The following SDHB variants were observed in gnomAD, a reference collection of about 807,000 sequenced individuals.
SDHB encodes the protein succinate dehydrogenase [ubiquinone] iron-sulfur subunit, mitochondrial.
A neutral mutation model predicts 39.7 loss-of-function variants in SDHB; 21 were observed. The observed-to-expected ratio is 0.53, with a 90% CI of 0.37 to 0.76. The LOEUF is 0.76. Among genes scored for constraint, SDHB ranks in the 30% least tolerant of loss-of-function variants. The pLI, the probability that SDHB is intolerant of heterozygous loss-of-function variation, is 0.00. For synonymous variants in SDHB, 118 were observed against 117.0 expected (o/e 1.01, Z -0.06); for missense variants, 343 against 350.9 (o/e 0.98, Z 0.18).
chr1:17,050,640 A>T (rs995931272), intron 1 of SDHB, among the ~76,000 whole-genome samples: 1 of 146,844 alleles, frequency 6.8e-6, no homozygotes, highest in African/African-American at 2.5e-5. Flanking sequence ...CAACAACGTG[A>T]GCGTGACTCT....
intron 3 of SDHB, among the ~76,000 whole-genome samples, chr1:17,031,661 ACTTGAAATG>A (rs1430088403): frequency 1.3e-5 from 2 of 152,226 alleles, no homozygotes; most frequent in East Asian, 3.8e-4. Context: ...GTCTTAAAAG[ACTTGAAATG>A]CTTGAAATGT....
At chr1:17,020,189 C>T (rs951347804) in intron 7 of SDHB, among the ~76,000 whole-genome samples, 1 of 152,076 alleles carries the variant, frequency 6.6e-6, no homozygotes, top group Non-Finnish European at 1.5e-5. Context: ...TGTGTATTTC[C>T]GGTCCCCACA....
chr1:17,044,920 A>C, intron 1 of SDHB, 32 bp from the exon 2 acceptor site: 1 of 1,601,586 alleles, frequency 6.2e-7, no homozygotes, highest in Non-Finnish European at 8.5e-7. Flanking sequence ...AAAAAGGAAA[A>C]AAAAATTAGA....
intron 2 of SDHB, among the ~76,000 whole-genome samples, chr1:17,043,405 C>T (rs1242511573): frequency 2.0e-5 from 3 of 152,168 alleles, no homozygotes; most frequent in Non-Finnish European, 4.4e-5. Flanking sequence ...GGTTATATAT[C>T]AATTAATGCT....
intron 3 of SDHB, among the ~76,000 whole-genome samples, chr1:17,030,024 AC>A (rs1276819313): frequency 6.6e-6 from 1 of 151,986 alleles, no homozygotes; most frequent in South Asian, 2.1e-4. Flanking sequence ...CAACATGGTA[AC>A]CCCCTGTCTC....
intron 7 of SDHB, among the ~76,000 whole-genome samples, chr1:17,021,269 G>GT (rs1467112579): frequency 1.4e-4 from 22 of 152,206 alleles, no homozygotes; most frequent in African/African-American, 5.1e-4. Flanking sequence ...TATCATAGGA[G>GT]TAAGTTCCTG....
At chr1:17,044,691 T>A in intron 2 of SDHB, 70 bp downstream of exon 2, 1 of 1,540,266 alleles carries the variant, frequency 6.5e-7, no homozygotes, top group Non-Finnish European at 9.0e-7. Flanking sequence ...CTTCCAAGGA[T>A]GTGAAAAGCA....
chr1:17,051,874 T>C (rs2078150119), intron 1 of SDHB, among the ~76,000 whole-genome samples: 1 of 151,304 alleles, frequency 6.6e-6, no homozygotes, highest in African/African-American at 2.4e-5. Context: ...TGAGTTTCGC[T>C]CTTGTCGCCC....
chr1:17,051,842 ATTT>A (rs376165201), intron 1 of SDHB, among the ~76,000 whole-genome samples: 6 of 142,372 alleles, frequency 4.2e-5, no homozygotes, highest in African/African-American at 1.0e-4. Context: ...CATTTTTTAA[ATTT>A]TTTTTTTTTT....
chr1:17,030,094 C>T (rs372182599), intron 3 of SDHB, among the ~76,000 whole-genome samples: 5 of 151,918 alleles, frequency 3.3e-5, no homozygotes, highest in Non-Finnish European at 7.4e-5. Context: ...GAGGGTGAGG[C>T]GGGAGAATCA....
intron 1 of SDHB, among the ~76,000 whole-genome samples, chr1:17,049,644 G>GTTTTTTTTTTTTTTTT (rs1570960889): frequency 2.2e-5 from 1 of 45,928 alleles, no homozygotes; most frequent in Admixed American, 3.4e-4. Context: ...TAATCCCCTA[G>GTTTTTTTTTTTTTTTT]TTCTTTTTTT....
intron 5 of SDHB, among the ~76,000 whole-genome samples, chr1:17,025,188 G>A (rs768911311): frequency 1.3e-5 from 2 of 152,298 alleles, no homozygotes; most frequent in Non-Finnish European, 2.9e-5. Flanking sequence ...GGCGCATGGT[G>A]CATACATCTG....
In SDHB at chr1:17,022,746, T is replaced by C. The variant is rs774215357; in HGVS notation, c.643-16A>G. The C allele has an allele frequency of 3.7e-6, 6 of 1,611,478 alleles. No homozygotes were observed. Among genetic ancestry groups the C allele is most frequent in the Non-Finnish European group, 5.1e-6 (6 of 1,178,420 alleles). ...AGCGATAGGCCTGGAAAACCAGGGA[T>C]GATTAGCTGAGCTGCCAATCAACAG... On this transcript the variant is annotated splice_polypyrimidine_tract_variant and intron_variant, in intron 6 of 7. Transcript: ENST00000375499.
intron 3 of SDHB, 39 bp downstream of exon 3, chr1:17,033,021 C>T: frequency 1.3e-6 from 2 of 1,524,374 alleles, no homozygotes; most frequent in Non-Finnish European, 9.1e-7. Context: ...CTTTGGAAGA[C>T]CACAAGTATC....
At chr1:17,023,191 C>A (rs74669384) in intron 6 of SDHB, 1 of 285,866 alleles carries the variant, frequency 3.5e-6, no homozygotes, top group South Asian at 3.5e-5. Context: ...ACTTACACAG[C>A]GCTCTCAGCA....
chr1:17,039,009 G>A (rs1269544983), intron 2 of SDHB, among the ~76,000 whole-genome samples: 1 of 151,634 alleles, frequency 6.6e-6, no homozygotes, highest in Non-Finnish European at 1.5e-5. Context: ...GCTTTTTCTT[G>A]CACTTAAAAC....
intron 6 of SDHB, among the ~76,000 whole-genome samples, chr1:17,023,423 G>C (rs1179033046): frequency 6.6e-6 from 1 of 152,264 alleles, no homozygotes; most frequent in South Asian, 2.1e-4. Context: ...AGAAAGAGAA[G>C]TTGGTTTTTG....
Position 17,054,002 on chromosome 1 carries a change from G to C in SDHB, c.18C>G (p.Ala6=), listed in dbSNP as rs2746462. Residue 6 remains alanine, a synonymous_variant, in exon 1 of 8, where the codon GCC becomes GCG. Coordinates refer to ENST00000375499, the MANE Select transcript of SDHB (RefSeq NM_003000.3). ...CCGGCAACCGGCGCCTCAAGGAGAG[G>C]GCGACCACCGCCGCCATCTTGGCTC... The part of the protein sequence containing the change: MAAVV[A]LSLRRRLPAT... 6 of 1,611,780 alleles carry C rather than the reference G, an allele frequency of 3.7e-6. No homozygotes were observed. Among genetic ancestry groups the C allele is most frequent in the East Asian group, 2.2e-5 (1 of 44,798 alleles).
intron 1 of SDHB, among the ~76,000 whole-genome samples, chr1:17,051,493 A>G (rs2078146886): frequency 6.6e-6 from 1 of 152,296 alleles, no homozygotes; most frequent in East Asian, 1.9e-4. Flanking sequence ...AGAGAGGAAG[A>G]AAGCAAAAAG....
Sources: gnomAD v4.1 joint callset for allele counts (sites outside exome capture counted in the v4.1 genomes callset) on GRCh38, gnomAD v4.1.1 for gene constraint, MANE v1.5 for transcripts, NCBI Gene and HGNC (gene_info 2026-07-23, HGNC 2026-07-21) for gene names.